The following ARHGEF33 variants were observed in gnomAD, a reference collection of about 807,000 sequenced individuals.
ARHGEF33 encodes the protein Rho guanine nucleotide exchange factor 33, also known as DH and coiled-coil domain-containing protein ENSP00000381780.
ARHGEF33 carries 72 observed loss-of-function variants against 101.9 expected under a neutral mutation model. The ratio of observed to expected loss-of-function variants is 0.71; its 90% CI spans 0.58 to 0.86. The LOEUF (loss-of-function observed/expected upper bound fraction) is 0.86. Ranked by LOEUF, ARHGEF33 falls within the 40% of genes least tolerant of loss-of-function variation. ARHGEF33 has a pLI of 0.00. For synonymous variants in ARHGEF33, 499 were observed against 442.5 expected, an observed-to-expected ratio of 1.13 and a Z score of -1.60; for missense variants, 1,169 against 1,111.3, an observed-to-expected ratio of 1.05 and a Z score of -0.74.
At chr2:38,965,079 G>T (rs1270661600) in intron 16 of ARHGEF33, among the ~76,000 whole-genome samples, 1 of 151,290 alleles carries the variant, frequency 6.6e-6, no homozygotes, top group Non-Finnish European at 1.5e-5. Context: ...CTAACACTTT[G>T]CTTCTCTGTC....
rs978209329 is a variant in ARHGEF33 at position 38,960,239 on chromosome 2, C to T, written c.1934C>T (p.Pro645Leu). 42 of 1,547,914 alleles carry T rather than the reference C, an allele frequency of 2.7e-5. No individual in the cohort carries two copies. The Middle Eastern group carries it at 5.0e-4, about 18-fold the overall frequency. The change falls in exon 16 of 18, where the codon CCT becomes CTT. Residue 645 changes from proline (P) to leucine (L), a missense_variant. By Grantham distance (98) the Pro-to-Leu change is moderately conservative. Transcript: ENST00000409978. ...CCGGCCCTCTTCGAGAACTGCTCGC[C>T]TGCCTCCTCCGAGTCCAGCCTGGAC... ...QAPALFENCS[P>L]ASSESSLDIC...
chr2:38,943,829 T>G (rs1667373023), intron 9 of ARHGEF33, 72 bp from the exon 10 acceptor site: 7 of 1,440,362 alleles, frequency 4.9e-6, no homozygotes, highest in Non-Finnish European at 6.6e-6. Context: ...TTTATCACTT[T>G]TATTGCTTGC....
At chr2:38,905,034 C>T (rs1019635400) in intron 2 of ARHGEF33, among the ~76,000 whole-genome samples, 1 of 152,058 alleles carries the variant, frequency 6.6e-6, no homozygotes, top group Non-Finnish European at 1.5e-5. Flanking sequence ...GTGCTAGTGG[C>T]AGAGCTAGTG....
At chr2:38,919,174 G>T (rs1342611924) in intron 2 of ARHGEF33, among the ~76,000 whole-genome samples, 189 bp from the exon 3 acceptor site, 1 of 152,098 alleles carries the variant, frequency 6.6e-6, no homozygotes, top group African/African-American at 2.4e-5. Context: ...TTTGAATAAT[G>T]AATTTCATAT....
At chr2:38,896,928 T>G (rs1279080077) in intron 2 of ARHGEF33, among the ~76,000 whole-genome samples, 1 of 152,166 alleles carries the variant, frequency 6.6e-6, no homozygotes, top group African/African-American at 2.4e-5. Flanking sequence ...CTTTTTTTCT[T>G]TTTTTGAGAC....
At chr2:38,948,357 T>C (rs1667505098) in intron 10 of ARHGEF33, among the ~76,000 whole-genome samples, 1 of 152,228 alleles carries the variant, frequency 6.6e-6, no homozygotes, top group Admixed American at 6.5e-5. Flanking sequence ...TCATGTAACT[T>C]ATGTGCTTCC....
At chr2:38,913,779 A>T (rs534192255) in intron 2 of ARHGEF33, among the ~76,000 whole-genome samples, 13 of 152,246 alleles carry the variant, frequency 8.5e-5, no homozygotes, top group African/African-American at 1.4e-4. Flanking sequence ...AGAAAAAAAA[A>T]AAATAAAAAG....
At chr2:38,906,202 A>G (rs1223797528) in intron 2 of ARHGEF33, among the ~76,000 whole-genome samples, 1 of 151,894 alleles carries the variant, frequency 6.6e-6, no homozygotes, top group Non-Finnish European at 1.5e-5. Flanking sequence ...AAAAAAAAAA[A>G]AAAAGAAAAA....
intron 4 of ARHGEF33, among the ~76,000 whole-genome samples, chr2:38,927,412 G>A (rs1340389052): frequency 6.6e-6 from 1 of 152,100 alleles, no homozygotes; most frequent in Non-Finnish European, 1.5e-5. Context: ...AAAAATACTT[G>A]AGGCCGGGCA....
At chr2:38,909,492 C>CTTTTTTTTTTTTT (rs768568418) in intron 2 of ARHGEF33, among the ~76,000 whole-genome samples, 3 of 117,402 alleles carry the variant, frequency 2.6e-5, no homozygotes, top group Non-Finnish European at 3.6e-5. Context: ...TGGCTAATTT[C>CTTTTTTTTTTTTT]TTTTTTTTTT....
rs1558449131 is a variant in ARHGEF33, at chr2:38,973,775, A to G, written c.2545A>G (p.Thr849Ala). 2 of 1,549,222 alleles carry G rather than the reference A, an allele frequency of 1.3e-6. No homozygotes were observed. The highest frequency in any genetic ancestry group is 1.7e-6 in the Non-Finnish European group (2 of 1,146,244). Reference sequence around the variant, plus strand: ...GAATCCCTCAATGGATCCTTCACCCACCAAACAAGATTTCTTCAGAAACCG... The same window carrying G: ...GAATCCCTCAATGGATCCTTCACCCGCCAAACAAGATTTCTTCAGAAACCG... ...NENPSMDPSP[T>A]KQDFFRNRLA... The change falls in exon 18 of 18, where the codon ACC becomes GCC. Residue 849 changes from threonine (T) to alanine (A), a missense_variant. Physicochemically the swap from Thr to Ala is moderately conservative, Grantham distance 58. Coordinates refer to ENST00000409978, the MANE Select transcript of ARHGEF33 (RefSeq NM_001145451.5).
At chr2:38,945,599 T>C (rs1667427265) in intron 10 of ARHGEF33, among the ~76,000 whole-genome samples, 1 of 152,264 alleles carries the variant, frequency 6.6e-6, no homozygotes, top group East Asian at 1.9e-4. Context: ...GGGCTCCAGC[T>C]GTCTTGCTGT....
intron 7 of ARHGEF33, among the ~76,000 whole-genome samples, chr2:38,934,978 G>T (rs542207707): frequency 1.3e-5 from 2 of 151,362 alleles, no homozygotes; most frequent in Admixed American, 1.3e-4. Flanking sequence ...TGACTGACGT[G>T]TTCAAGGAAT....
intron 4 of ARHGEF33, among the ~76,000 whole-genome samples, chr2:38,926,965 A>G (rs1203676939): frequency 6.6e-6 from 1 of 152,218 alleles, no homozygotes; most frequent in African/African-American, 2.4e-5. Flanking sequence ...ACATTTACAT[A>G]ATGAAAAATT....
At chr2:38,917,867 A>C (rs545136506) in intron 2 of ARHGEF33, among the ~76,000 whole-genome samples, 1 of 151,030 alleles carries the variant, frequency 6.6e-6, no homozygotes, top group East Asian at 1.9e-4. Flanking sequence ...GCCTCTTCCC[A>C]GTTATCCCTC....
At position 38,890,513 on chromosome 2, in the gene ARHGEF33, G is replaced by C. The variant is rs17023139; in HGVS notation, c.-159+527G>C. On this transcript the variant is annotated intron_variant, in intron 1 of 17. Coordinates refer to ENST00000409978, the MANE Select transcript of ARHGEF33 (RefSeq NM_001145451.5). ...AAAATGTGTACTGATTAATTACATG[G>C]GGGCTTTATTGGTGAAACCTAATTC... is the stretch of plus-strand genomic sequence containing the variant. Among the ~76,000 whole-genome samples the C allele has an allele frequency of 5.3e-3, 801 of 152,292 alleles. 4 individuals carry two copies. Among genetic ancestry groups the C allele is most frequent in the African/African-American group, 0.018 (768 of 41,556 alleles).
chr2:38,905,185 A>G (rs1289799609), intron 2 of ARHGEF33, among the ~76,000 whole-genome samples: 4 of 146,596 alleles, frequency 2.7e-5, no homozygotes, highest in African/African-American at 1.0e-4. Context: ...CATTTAGCCG[A>G]AAAAAAAAAA....
chr2:38,899,709 C>G (rs1666200613), intron 2 of ARHGEF33, among the ~76,000 whole-genome samples: 1 of 152,078 alleles, frequency 6.6e-6, no homozygotes, highest in Non-Finnish European at 1.5e-5. Context: ...TTGAAATGTT[C>G]TCACCACAAC....
chr2:38,911,446 C>A (rs1666507589), intron 2 of ARHGEF33, among the ~76,000 whole-genome samples: 1 of 152,130 alleles, frequency 6.6e-6, no homozygotes, highest in Non-Finnish European at 1.5e-5. Context: ...TCTGTCACAG[C>A]AGTAATTGGA....
Sources: gnomAD v4.1 joint callset for allele counts (sites outside exome capture counted in the v4.1 genomes callset) on GRCh38, gnomAD v4.1.1 for gene constraint, MANE v1.5 for transcripts, NCBI Gene and HGNC (gene_info 2026-07-23, HGNC 2026-07-21) for gene names.